SULF2: variants seen among roughly 807,000 people sequenced by gnomAD.
SULF2 encodes the protein sulfatase 2, also known as extracellular sulfatase Sulf-2.
Under a neutral mutation model 107.7 loss-of-function variants are expected in SULF2, and 52 were observed. The observed-to-expected ratio is 0.48, with a 90% CI of 0.39 to 0.61. The LOEUF is 0.61. SULF2 is among the 20% of genes least tolerant of loss of function. The pLI is 0.00. For missense variants in SULF2, 993 were observed against 1,177.3 expected, an observed-to-expected ratio of 0.84 and a Z score of 2.29; for synonymous variants, 460 against 464.3, an observed-to-expected ratio of 0.99 and a Z score of 0.12.
chr20:47,769,643 C>T (rs59285444), intron 1 of SULF2, among the ~76,000 whole-genome samples: 8,406 of 152,214 alleles, frequency 0.055, 269 homozygotes, highest in Middle Eastern at 0.1. Flanking sequence ...ATTTCCTGAG[C>T]ACCTACTATG....
intron 2 of SULF2, among the ~76,000 whole-genome samples, chr20:47,756,031 GAATGCAACA>G (rs1164477964): frequency 1.3e-5 from 2 of 152,048 alleles, no homozygotes; most frequent in Non-Finnish European, 2.9e-5. Flanking sequence ...ACAGTGCACT[GAATGCAACA>G]AATGCGTAAT....
In SULF2 at chr20:47,747,068, G is replaced by C. The variant is rs75259489; in HGVS notation, c.175+10121C>G. On this transcript the variant is annotated intron_variant, in intron 2 of 20. Coordinates refer to ENST00000688720, the MANE Select transcript of SULF2 (RefSeq NM_001387048.1). ...AATCTCTTATTTTTCACCTAGTATA[G>C]ATGTGCTCACTGCTGCTGGTGGCAA... 1.3e-3 allele frequency among the ~76,000 whole-genome samples: 181 copies of C among 141,358 alleles called. 2 individuals carry two copies. In the East Asian group the frequency reaches 0.036, roughly 28 times the overall value. 92.7% of individuals were successfully genotyped at this position (141,358 alleles called of 152,430 possible). A position where few individuals can be genotyped will look rare whatever the true frequency, so the allele number is the denominator to read the frequency against.
chr20:47,758,566 TCAGTCACCCCCCTGGCCC>T (rs1205130819), intron 1 of SULF2, among the ~76,000 whole-genome samples: 1 of 152,148 alleles, frequency 6.6e-6, no homozygotes. Flanking sequence ...CACTGTGCCC[TCAGTCACCCCCCTGGCCC>T]CAGGTCAGAC....
chr20:47,723,664 C>T (rs1019699520), intron 3 of SULF2, among the ~76,000 whole-genome samples: 2 of 152,164 alleles, frequency 1.3e-5, no homozygotes, highest in African/African-American at 4.8e-5. Context: ...ACTGTGCATG[C>T]GGGGGATCTA....
chr20:47,676,596 G>A lies in SULF2; in HGVS notation c.1278C>T (p.Asp426=). The change falls in exon 10 of 21, where the codon GAC becomes GAT. Residue 426 remains aspartate (D), a synonymous_variant. Transcript: ENST00000688720. ...AGTTCTCCTCCTGGGCGTCCACCTT[G>A]TCATTGTCTCTCTTGTGTAGCAGCT... ...RGKLLHKRDN[D]KVDAQEENFL... The A allele has an allele frequency of 1.3e-6, 2 of 1,558,516 alleles. No individual in the cohort carries two copies. Among genetic ancestry groups the A allele is most frequent in the African/African-American group, 1.4e-5 (1 of 73,748 alleles).
Position 47,663,248 on chromosome 20 carries a change from C to T in SULF2, c.2228-36G>A, listed in dbSNP as rs757042475. The stretch of plus-strand genomic sequence containing the variant: ...AGAGAGAGCATGTCCTGAGTGCCTG[C>T]GGGAGGAGGCCCCATCTGCCAACAG... On this transcript the variant is annotated intron_variant, in intron 16 of 20. Coordinates refer to ENST00000688720, the MANE Select transcript of SULF2 (RefSeq NM_001387048.1). The T allele has an allele frequency of 4.8e-5, 78 of 1,611,344 alleles. 1 individual carries two copies. Among genetic ancestry groups the T allele is most frequent in the Admixed American group, 2.2e-4 (13 of 59,936 alleles).
intron 4 of SULF2, among the ~76,000 whole-genome samples, chr20:47,700,557 A>G (rs941924938): frequency 3.3e-5 from 5 of 152,132 alleles, no homozygotes; most frequent in South Asian, 2.1e-4. Context: ...AGCAGCCCTG[A>G]CAAAAAAGAC....
At chr20:47,744,125 G>T (rs1022084720) in intron 2 of SULF2, among the ~76,000 whole-genome samples, 4 of 152,092 alleles carry the variant, frequency 2.6e-5, no homozygotes, top group Non-Finnish European at 5.9e-5. Context: ...CGGTGGGTGG[G>T]GAGTCAAGGG....
In SULF2 at chr20:47,659,415, G is replaced by T. The variant is rs1269300022; in HGVS notation, c.2566C>A (p.Pro856Thr). The T allele has an allele frequency of 6.2e-7, 1 of 1,614,134 alleles. No homozygotes were observed. The highest frequency in any genetic ancestry group is 8.5e-7 in the Non-Finnish European group (1 of 1,180,006). ...QRRKWPEMKR[P>T]SSKSLGQLWE... ...TCAACTCACAGTGATTTGGAAGAAG[G>T]TCTCTTCATTTCTGGCCACTTTCGA... The change falls in exon 20 of 21, where the codon CCT (proline) becomes ACT (threonine). Residue 856 changes from proline (P) to threonine (T), a missense_variant. Around this residue, in one of 3 missense-constraint regions of SULF2, gnomAD observed 497 missense variants for 544.1 expected, o/e 0.91. Transcript: ENST00000688720.
At chr20:47,763,105 C>T (rs1213609469) in intron 1 of SULF2, among the ~76,000 whole-genome samples, 1 of 152,062 alleles carries the variant, frequency 6.6e-6, no homozygotes, top group African/African-American at 2.4e-5. Flanking sequence ...TGAACTCACG[C>T]AGCACCAGCC....
rs147716928 is a variant in SULF2, at chr20:47,665,548, C to T, written c.1903-255G>A. On this transcript the variant is annotated intron_variant, in intron 13 of 20. Coordinates refer to ENST00000688720, the MANE Select transcript of SULF2 (RefSeq NM_001387048.1). ...TTCCGGCCTGGCCTGCGCAGGAACC[C>T]GCTGAGCCCACTGAGGCCTCCAGTG... Among the ~76,000 whole-genome samples the T allele has an allele frequency of 1.5e-3, 233 of 152,336 alleles. 2 individuals carry two copies. Among genetic ancestry groups the T allele is most frequent in the Middle Eastern group, 6.8e-3 (2 of 294 alleles).
chr20:47,731,185 C>CTTTTTTTTTTTTTTTTTTTTTTTTT (rs199660759), intron 3 of SULF2, among the ~76,000 whole-genome samples: 2 of 93,332 alleles, frequency 2.1e-5, no homozygotes, highest in African/African-American at 5.8e-5. Context: ...CCTGTATCTT[C>CTTTTTTTTTTTTTTTTTTTTTTTTT]TCTTTTTTTT....
chr20:47,737,043 A>G (rs2089751488), intron 2 of SULF2, 101 bp from the exon 3 acceptor site: 3 of 1,543,956 alleles, frequency 1.9e-6, no homozygotes, highest in Non-Finnish European at 1.8e-6. Flanking sequence ...TGGAGTGGGC[A>G]CATTCTGCAG....
chr20:47,732,337 T>C (rs1377490291), intron 3 of SULF2, among the ~76,000 whole-genome samples: 2 of 152,226 alleles, frequency 1.3e-5, no homozygotes, highest in Non-Finnish European at 2.9e-5. Flanking sequence ...CTAAATAACT[T>C]GTCCAAGTTC....
intron 3 of SULF2, among the ~76,000 whole-genome samples, chr20:47,711,890 T>C (rs1463412458): frequency 6.6e-6 from 1 of 152,068 alleles, no homozygotes; most frequent in Non-Finnish European, 1.5e-5. Context: ...ATACATGACA[T>C]ATAAAAATAC....
Position 47,684,543 on chromosome 20 carries a change from T to A in SULF2, c.776A>T (p.His259Leu), listed in dbSNP as rs1357584414. Residue 259 changes from histidine to leucine, a missense_variant, in exon 6 of 21, where the codon CAC (histidine) becomes CTC (leucine). His to Leu is a moderately conservative substitution (Grantham distance 99, BLOSUM62 -3). Transcript: ENST00000688720. ...GGGCCCCGTGTAGCGCATGATCCAG[T>A]GTTTGTCCGGGTTGGGCGCGTAGTT... ...SYNYAPNPDKHWIMRYTGPMK... is the reference protein window; with the variant it reads ...SYNYAPNPDKLWIMRYTGPMK... 1 of 1,613,972 alleles carries A rather than the reference T, an allele frequency of 6.2e-7. No individual in the cohort carries two copies. Among genetic ancestry groups the A allele is most frequent in the Non-Finnish European group, 8.5e-7 (1 of 1,179,984 alleles).
chr20:47,658,416 T>C, intron 20 of SULF2, 24 bp from the exon 21 acceptor site: 1 of 1,613,628 alleles, frequency 6.2e-7, no homozygotes, highest in Non-Finnish European at 8.5e-7. Flanking sequence ...CAAACTCATC[T>C]TAGCACTTAG....
chr20:47,756,992 G>A (rs2090305677), intron 2 of SULF2, among the ~76,000 whole-genome samples, 197 bp downstream of exon 2: 1 of 152,320 alleles, frequency 6.6e-6, no homozygotes. Flanking sequence ...TTGTGCAACT[G>A]GAGAAGGGTA....
chr20:47,692,447 C>T (rs2146548298), intron 4 of SULF2, among the ~76,000 whole-genome samples: 1 of 152,290 alleles, frequency 6.6e-6, no homozygotes, highest in Non-Finnish European at 1.5e-5. Flanking sequence ...CAAGGTCTTG[C>T]TCTGTCAGGC....
Sources: gnomAD v4.1 joint callset for allele counts (sites outside exome capture counted in the v4.1 genomes callset) on GRCh38, gnomAD v4.1.1 for gene constraint, gnomAD v4.1.1 regional missense constraint, MANE v1.5 for transcripts, NCBI Gene and HGNC (gene_info 2026-07-23, HGNC 2026-07-21) for gene names.